The following KCNAB1 variants were observed in gnomAD, a reference collection of about 807,000 sequenced individuals.
The protein encoded by KCNAB1 is voltage-gated potassium channel subunit beta-1.
Under a neutral mutation model 64.6 loss-of-function variants are expected in KCNAB1, and 35 were observed. The observed-to-expected ratio is 0.54, with a 90% CI of 0.41 to 0.72. The LOEUF (loss-of-function observed/expected upper bound fraction) is 0.72, where lower values mean the gene tolerates loss of function less well. KCNAB1 is among the 30% of genes least tolerant of loss of function. The pLI is 0.00. For missense variants in KCNAB1, 401 were observed against 512.9 expected, an observed-to-expected ratio of 0.78 and a Z score of 2.11; for synonymous variants, 177 against 183.8, an observed-to-expected ratio of 0.96 and a Z score of 0.30.
chr3:156,228,492 C>T (rs1466716615), intron 1 of KCNAB1, among the ~76,000 whole-genome samples: 1 of 152,194 alleles, frequency 6.6e-6, no homozygotes, highest in Admixed American at 6.5e-5. Flanking sequence ...GGTCAGCCTT[C>T]ACACAGCGTC....
At position 156,223,307 on chromosome 3, in the gene KCNAB1, A is replaced by G. The variant is rs1038522609; in HGVS notation, c.275+102421A>G. Among the ~76,000 whole-genome samples, 4 of 152,328 alleles carry G rather than the reference A, an allele frequency of 2.6e-5. 1 individual carries two copies. In the South Asian group the frequency reaches 8.3e-4, roughly 32 times the overall value. On this transcript the variant is annotated intron_variant, in intron 1 of 13. Coordinates refer to ENST00000490337, the MANE Select transcript of KCNAB1 (RefSeq NM_172160.3). ...CTTCCACAGTGTGGAAGGGGACCCA[A>G]GCAGGTTGCCATTGCTGGCTTGGGC...
At position 156,463,751 on chromosome 3, in the gene KCNAB1, G is replaced by A; in HGVS notation, c.527+5G>A. ...CAAACTCTACTGGGGTGGAAAGTAA[G>A]TTATTTTTCCTACTAAACAGAAAAC... is the stretch of plus-strand genomic sequence containing the variant. On this transcript the variant is annotated splice_donor_5th_base_variant and intron_variant, in intron 6 of 13. Coordinates refer to ENST00000490337, the MANE Select transcript of KCNAB1 (RefSeq NM_172160.3). 1 of 1,600,536 alleles carries A rather than the reference G, an allele frequency of 6.2e-7. No individual in the cohort carries two copies.
At chr3:156,230,232 T>C (rs1332240736) in intron 1 of KCNAB1, among the ~76,000 whole-genome samples, 1 of 152,226 alleles carries the variant, frequency 6.6e-6, no homozygotes, top group African/African-American at 2.4e-5. Context: ...ACAGACCACA[T>C]ATATGATCAT....
chr3:156,466,660 C>T (rs1713404160), intron 7 of KCNAB1, among the ~76,000 whole-genome samples: 1 of 151,890 alleles, frequency 6.6e-6, no homozygotes, highest in Non-Finnish European at 1.5e-5. Flanking sequence ...TATACATATG[C>T]ATAAAAAATG....
chr3:156,515,237 A>G lies in KCNAB1; in HGVS notation c.865+17A>G, dbSNP rs1717476897. ...ACAAAATAGGTAATCTTCAAAATAA[A>G]AGCTACTGAGTATTTTTAACAAGAG... On this transcript the variant is annotated intron_variant, in intron 10 of 13. Transcript: ENST00000490337. The G allele has an allele frequency of 6.3e-7, 1 of 1,595,940 alleles. No individual in the cohort carries two copies. The highest frequency in any genetic ancestry group is 8.5e-7 in the Non-Finnish European group (1 of 1,173,208).
In KCNAB1 at chr3:156,317,367, T is replaced by G. The variant is rs1389960100; in HGVS notation, c.276-104249T>G. On this transcript the variant is annotated intron_variant, in intron 1 of 13. Coordinates refer to ENST00000490337, the MANE Select transcript of KCNAB1 (RefSeq NM_172160.3). ...CTTTTATAACTTGGTTATAAATTTT[T>G]GCCCTGGCAAAAACTTGGCTTACTA... 3.3e-5 allele frequency among the ~76,000 whole-genome samples: 5 copies of G among 152,320 alleles called. No homozygotes were observed. In the East Asian group the frequency reaches 9.6e-4, roughly 29 times the overall value.
chr3:156,254,502 CA>C (rs1448305743), intron 1 of KCNAB1, among the ~76,000 whole-genome samples: 1 of 152,232 alleles, frequency 6.6e-6, no homozygotes, highest in African/African-American at 2.4e-5. Context: ...GCCCAATGGC[CA>C]CTGCTCAGAC....
chr3:156,525,310 G>T (rs995114379), intron 12 of KCNAB1, among the ~76,000 whole-genome samples: 2 of 151,572 alleles, frequency 1.3e-5, no homozygotes, highest in Admixed American at 6.6e-5. Flanking sequence ...CATAGTGATG[G>T]TCCTGACCCT....
intron 1 of KCNAB1, among the ~76,000 whole-genome samples, chr3:156,141,270 T>C (rs1283085671): frequency 1.3e-5 from 2 of 152,182 alleles, no homozygotes; most frequent in Non-Finnish European, 2.9e-5. Context: ...GCACTCATTT[T>C]TGAGTAATTT....
chr3:156,174,771 A>G (rs1454364858), intron 1 of KCNAB1, among the ~76,000 whole-genome samples: 1 of 152,186 alleles, frequency 6.6e-6, no homozygotes, highest in Non-Finnish European at 1.5e-5. Context: ...TCCCATCAGG[A>G]GGCATGGAGC....
At chr3:156,261,819 T>TG (rs1718447751) in intron 1 of KCNAB1, among the ~76,000 whole-genome samples, 1 of 152,020 alleles carries the variant, frequency 6.6e-6, no homozygotes, top group Non-Finnish European at 1.5e-5. Context: ...TAGATCAATT[T>TG]GGGGAGAATT....
intron 1 of KCNAB1, among the ~76,000 whole-genome samples, chr3:156,211,716 A>C (rs971768286): frequency 2.6e-5 from 4 of 152,224 alleles, no homozygotes; most frequent in African/African-American, 9.6e-5. Flanking sequence ...TTACTTTGAC[A>C]CTTCTCATAA....
At chr3:156,202,928 A>T (rs565174004) in intron 1 of KCNAB1, among the ~76,000 whole-genome samples, 53 of 142,800 alleles carry the variant, frequency 3.7e-4, no homozygotes, top group African/African-American at 1.3e-3. Context: ...TTTACTTGCT[A>T]TAAGTTTTAA....
At chr3:156,258,844 T>C (rs1200696252) in intron 1 of KCNAB1, among the ~76,000 whole-genome samples, 1 of 152,194 alleles carries the variant, frequency 6.6e-6, no homozygotes, top group Non-Finnish European at 1.5e-5. Flanking sequence ...TTGCTATAAA[T>C]AATGTGCCTT....
chr3:156,484,359 G>C lies in KCNAB1; in HGVS notation c.658+9539G>C, dbSNP rs554948728. Among the ~76,000 whole-genome samples the C allele has an allele frequency of 2.0e-5, 3 of 152,096 alleles. No homozygotes were observed. In the South Asian group the frequency reaches 6.2e-4, roughly 32 times the overall value. On this transcript the variant is annotated intron_variant, in intron 8 of 13. Coordinates refer to ENST00000490337, the MANE Select transcript of KCNAB1 (RefSeq NM_172160.3). ...TTCTTTTTCCCTTAAGTTGTTTTTA[G>C]TTAAGAAAAAAGAGAGAGAGAGAGG...
intron 1 of KCNAB1, among the ~76,000 whole-genome samples, chr3:156,420,353 G>A (rs1227606271): frequency 6.6e-6 from 1 of 152,128 alleles, no homozygotes; most frequent in Non-Finnish European, 1.5e-5. Context: ...CAAAAGCCCG[G>A]GTCTTTCAAC....
intron 1 of KCNAB1, among the ~76,000 whole-genome samples, chr3:156,311,925 G>C (rs1328918638): frequency 6.6e-6 from 1 of 152,226 alleles, no homozygotes; most frequent in Non-Finnish European, 1.5e-5. Flanking sequence ...TCTGCAGCCT[G>C]TTGACGGCTA....
intron 1 of KCNAB1, among the ~76,000 whole-genome samples, chr3:156,181,808 A>G (rs956493590): frequency 6.6e-6 from 1 of 152,172 alleles, no homozygotes; most frequent in African/African-American, 2.4e-5. Context: ...GAGGAAAGGC[A>G]GTGAGGTGGG....
At chr3:156,458,825 A>G (rs1177981638) in intron 4 of KCNAB1, among the ~76,000 whole-genome samples, 1 of 152,194 alleles carries the variant, frequency 6.6e-6, no homozygotes, top group Non-Finnish European at 1.5e-5. Flanking sequence ...GCTCTGATTA[A>G]TTATTGATTG....
Sources: gnomAD v4.1 joint callset for allele counts (sites outside exome capture counted in the v4.1 genomes callset) on GRCh38, gnomAD v4.1.1 for gene constraint, MANE v1.5 for transcripts, NCBI Gene and HGNC (gene_info 2026-07-23, HGNC 2026-07-21) for gene names.